FBXO11: variants seen among roughly 807,000 people sequenced by gnomAD.
FBXO11 encodes F-box protein 11, also known as F-box only protein 11.
A neutral mutation model predicts 117.0 loss-of-function variants in FBXO11; 13 were observed. The ratio of observed to expected loss-of-function variants is 0.11; its 90% CI spans 0.07 to 0.18. The LOEUF (loss-of-function observed/expected upper bound fraction) is 0.18. Ranked by LOEUF, FBXO11 falls within the 10% of genes least tolerant of loss-of-function variation. The pLI, the probability that FBXO11 is intolerant of heterozygous loss-of-function variation, is 1.00. For synonymous variants in FBXO11, 490 were observed against 380.5 expected, an observed-to-expected ratio of 1.29 and a Z score of -3.35; for missense variants, 767 against 1,164.4, an observed-to-expected ratio of 0.66 and a Z score of 4.97.
chr2:47,863,385 G>GCTC (rs1483530803), intron 1 of FBXO11, among the ~76,000 whole-genome samples: 1 of 152,152 alleles, frequency 6.6e-6, no homozygotes, highest in East Asian at 1.9e-4. Flanking sequence ...GTCTACAAGT[G>GCTC]CTCTTAAACA....
In FBXO11 at chr2:47,833,307, T is replaced by C. The variant is rs150951110; in HGVS notation, c.935-237A>G. ...TAAAATGCAACGGCATATTAAAAAA[T>C]GGTTTCTTGTGGAAACAAAAACAAA... On this transcript the variant is annotated intron_variant, in intron 7 of 22. Transcript: ENST00000403359. 5.3e-3 allele frequency among the ~76,000 whole-genome samples: 806 copies of C among 152,306 alleles called. 3 individuals are homozygous for C. Among genetic ancestry groups the C allele is most frequent in the Middle Eastern group, 0.01 (3 of 294 alleles).
chr2:47,837,281 C>A (rs752460971), intron 4 of FBXO11, among the ~76,000 whole-genome samples: 4 of 152,202 alleles, frequency 2.6e-5, no homozygotes, highest in African/African-American at 4.8e-5. Context: ...AATCCCAGCA[C>A]TTTGGGAGGC....
chr2:47,867,296 C>A (rs1675269170), intron 1 of FBXO11, among the ~76,000 whole-genome samples: 1 of 152,154 alleles, frequency 6.6e-6, no homozygotes, highest in African/African-American at 2.4e-5. Context: ...ATAGAATCAT[C>A]CTCCACTGGA....
intron 11 of FBXO11, among the ~76,000 whole-genome samples, chr2:47,828,888 G>T (rs758013345): frequency 2.6e-5 from 4 of 152,146 alleles, no homozygotes; most frequent in Non-Finnish European, 4.4e-5. Flanking sequence ...CTAAAGTGAT[G>T]AAATCTAATG....
At chr2:47,812,486 T>C (rs1188626146) in intron 18 of FBXO11, among the ~76,000 whole-genome samples, 1 of 152,222 alleles carries the variant, frequency 6.6e-6, no homozygotes, top group African/African-American at 2.4e-5. Context: ...CTATATTTTG[T>C]GAAAACTATC....
chr2:47,818,195 A>G (rs1028752349), intron 16 of FBXO11, among the ~76,000 whole-genome samples: 3 of 152,234 alleles, frequency 2.0e-5, no homozygotes, highest in Non-Finnish European at 4.4e-5. Flanking sequence ...CAGAGACAGG[A>G]AGTGAGCACA....
chr2:47,905,768 A>G lies in FBXO11; in HGVS notation c.-48T>C, dbSNP rs1030161971. 2 of 1,264,508 alleles carry G rather than the reference A, an allele frequency of 1.6e-6. No homozygotes were observed. The highest frequency in any genetic ancestry group is 2.5e-5 in the South Asian group (2 of 79,984). 78.3% of individuals were successfully genotyped at this position (1,264,508 alleles called of 1,614,324 possible). ...TTGGCGGAGGGACACACACACGCACACGCACAGCGAGCTTCGGGGCAGGAG... is the reference window on the plus strand; with the variant it reads ...TTGGCGGAGGGACACACACACGCACGCGCACAGCGAGCTTCGGGGCAGGAG... On this transcript the variant is annotated 5_prime_UTR_variant, in exon 1 of 23. Coordinates refer to ENST00000403359, the MANE Select transcript of FBXO11 (RefSeq NM_001190274.2).
intron 1 of FBXO11, among the ~76,000 whole-genome samples, chr2:47,852,822 T>C (rs541766705): frequency 6.6e-5 from 10 of 152,306 alleles, no homozygotes; most frequent in Admixed American, 2.0e-4. Flanking sequence ...AGGGACATAT[T>C]ATTATTCCTA....
Position 47,806,964 on chromosome 2 carries a change from ATTTTCTTTCTAGGAAAT to A in FBXO11, c.*1137_*1153del. 1 of 915,124 alleles carries A rather than the reference ATTTTCTTTCTAGGAAAT, an allele frequency of 1.1e-6. No individual in the cohort carries two copies. Among genetic ancestry groups the A allele is most frequent in the Non-Finnish European group, 1.7e-6 (1 of 573,264 alleles). The allele number at this position is 915,124 out of a possible 1,614,324, so 56.7% of individuals were successfully genotyped here. Reference sequence around the variant, plus strand: ...ATTTTTTAAAAATGACCATTTTTCCATTTTCTTTCTAGGAAATTAAACCCTTTTAATTCTTATCTACC... The same window carrying A: ...ATTTTTTAAAAATGACCATTTTTCCATAAACCCTTTTAATTCTTATCTACC... On this transcript the variant is annotated 3_prime_UTR_variant, in exon 23 of 23. Coordinates refer to ENST00000403359, the MANE Select transcript of FBXO11 (RefSeq NM_001190274.2).
chr2:47,863,065 AAAAAAAC>A (rs567060318), intron 1 of FBXO11, among the ~76,000 whole-genome samples: 10,728 of 151,548 alleles, frequency 0.071, 558 homozygotes, highest in Non-Finnish European at 0.11. Context: ...CAAAAAAAAA[AAAAAAAC>A]AAAAAAACAA....
chr2:47,816,222 C>T (rs1572770759), intron 16 of FBXO11, among the ~76,000 whole-genome samples: 3 of 152,118 alleles, frequency 2.0e-5, no homozygotes, highest in Admixed American at 2.0e-4. Flanking sequence ...CTCAGTCATC[C>T]AGGCTGGAGC....
intron 1 of FBXO11, among the ~76,000 whole-genome samples, chr2:47,895,928 C>T (rs1023554803): frequency 6.6e-5 from 10 of 152,314 alleles, no homozygotes; most frequent in Non-Finnish European, 1.0e-4. Flanking sequence ...AACTCCTGAC[C>T]TCGTGATCCA....
At chr2:47,871,009 G>A (rs923691287) in intron 1 of FBXO11, among the ~76,000 whole-genome samples, 11 of 152,130 alleles carry the variant, frequency 7.2e-5, no homozygotes, top group South Asian at 4.1e-4. Context: ...ATTATCCTCC[G>A]CAGGGGTTTT....
intron 1 of FBXO11, among the ~76,000 whole-genome samples, chr2:47,869,369 T>A (rs373209051): frequency 2.0e-5 from 3 of 152,122 alleles, no homozygotes; most frequent in African/African-American, 7.2e-5. Context: ...CAAAGAAGGG[T>A]GTTATTGTGC....
intron 13 of FBXO11, among the ~76,000 whole-genome samples, chr2:47,821,451 A>T (rs913652929): frequency 6.6e-6 from 1 of 152,144 alleles, no homozygotes; most frequent in South Asian, 2.1e-4. Flanking sequence ...TCTACTAAAA[A>T]TACAAAAAAT....
At chr2:47,877,873 T>C (rs1210996413) in intron 1 of FBXO11, among the ~76,000 whole-genome samples, 2 of 152,092 alleles carry the variant, frequency 1.3e-5, no homozygotes, top group Non-Finnish European at 2.9e-5. Context: ...TTAGTAGAGA[T>C]GGGGTTTTAC....
At chr2:47,809,730 G>C in intron 19 of FBXO11, 23 bp from the exon 20 acceptor site, 1 of 1,483,324 alleles carries the variant, frequency 6.7e-7, no homozygotes, top group South Asian at 1.1e-5. Flanking sequence ...TTACAAACAA[G>C]TAGATACATC....
At chr2:47,836,513 C>T (rs1320512143) in intron 4 of FBXO11, among the ~76,000 whole-genome samples, 1 of 152,034 alleles carries the variant, frequency 6.6e-6, no homozygotes, top group East Asian at 1.9e-4. Context: ...GAACTACAGG[C>T]ACATGTTACC....
chr2:47,886,979 C>T (rs1298520706), intron 1 of FBXO11, among the ~76,000 whole-genome samples: 2 of 152,074 alleles, frequency 1.3e-5, no homozygotes, highest in Non-Finnish European at 2.9e-5. Context: ...AGCCATTACA[C>T]TCTAGTCTGG....
Sources: allele counts gnomAD v4.1 joint callset (sites outside exome capture counted in the v4.1 genomes callset), GRCh38; gene constraint gnomAD v4.1.1; transcripts MANE v1.5; gene names NCBI Gene and HGNC (gene_info 2026-07-23, HGNC 2026-07-21).